Variants in OS9 observed in about 807,000 individuals in gnomAD.
OS9 encodes protein OS-9.
Under a neutral mutation model 84.7 loss-of-function variants are expected in OS9, and 58 were observed. The observed-to-expected ratio is 0.68, with a 90% CI of 0.55 to 0.85. The LOEUF (loss-of-function observed/expected upper bound fraction) is 0.85, where lower values mean the gene tolerates loss of function less well. Ranked by LOEUF, OS9 falls within the 40% of genes least tolerant of loss-of-function variation. The probability of loss-of-function intolerance (pLI) is 0.00; values close to 1 mark genes in which losing one functional copy is unlikely to be tolerated. For synonymous variants in OS9, 278 were observed against 320.8 expected (o/e 0.87, Z 1.43); for missense variants, 760 against 850.9 (o/e 0.89, Z 1.33).
chr12:57,699,834 G>A (rs756392117), intron 5 of OS9, among the ~76,000 whole-genome samples: 11 of 152,168 alleles, frequency 7.2e-5, no homozygotes, highest in Non-Finnish European at 1.3e-4. Context: ...GGTGGCTCAT[G>A]CCTATAATCC....
chr12:57,720,753 G>T, intron 14 of OS9, 31 bp from the exon 15 acceptor site: 2 of 1,569,670 alleles, frequency 1.3e-6, no homozygotes, highest in Non-Finnish European at 8.6e-7. Flanking sequence ...ACGGCCAGTA[G>T]CTCCAGCCCA....
chr12:57,696,660 G>A (rs971183868), intron 5 of OS9, among the ~76,000 whole-genome samples: 3 of 152,112 alleles, frequency 2.0e-5, no homozygotes, highest in Admixed American at 2.0e-4. Flanking sequence ...GCCGGGCGTG[G>A]TAGCGGGTGC....
intron 5 of OS9, among the ~76,000 whole-genome samples, chr12:57,705,935 A>G (rs1272476478): frequency 6.6e-6 from 1 of 152,172 alleles, no homozygotes; most frequent in Non-Finnish European, 1.5e-5. Context: ...GTAGTTCACA[A>G]ATTCTTGTGG....
intron 5 of OS9, among the ~76,000 whole-genome samples, chr12:57,699,763 G>A (rs899860884): frequency 1.3e-5 from 2 of 152,208 alleles, no homozygotes; most frequent in Non-Finnish European, 2.9e-5. Context: ...GGCAATTTGA[G>A]CAGAGTTGTG....
chr12:57,696,613 TG>T (rs1189197511), intron 5 of OS9, among the ~76,000 whole-genome samples: 1 of 151,918 alleles, frequency 6.6e-6, no homozygotes, highest in Non-Finnish European at 1.5e-5. Flanking sequence ...CTGACCAATA[TG>T]GTGAAACCCC....
chr12:57,717,197 T>C (rs1260542142), intron 9 of OS9, among the ~76,000 whole-genome samples: 25 of 152,164 alleles, frequency 1.6e-4, no homozygotes, highest in Admixed American at 1.6e-3. Context: ...CAGAAGTGCA[T>C]GGAAGAGTGG....
chr12:57,709,182 G>A (rs1445814201), intron 5 of OS9, among the ~76,000 whole-genome samples: 1 of 152,030 alleles, frequency 6.6e-6, no homozygotes, highest in Non-Finnish European at 1.5e-5. Context: ...CAATTTATAA[G>A]AACTCTATAT....
At position 57,718,132 on chromosome 12, in the gene OS9, C is replaced by T. The variant is rs773196582; in HGVS notation, c.1135-14C>T. 8.1e-6 allele frequency: 13 copies of T among 1,610,512 alleles called. No individual in the cohort carries two copies. The highest frequency in any genetic ancestry group is 1.7e-6 in the Non-Finnish European group (2 of 1,177,794). ...AACCCCAACTGTCTTTCTCCCCACTCCCTACCCACCCAGGGGAAGCCAAAT... is the reference window on the plus strand; with the variant it reads ...AACCCCAACTGTCTTTCTCCCCACTTCCTACCCACCCAGGGGAAGCCAAAT... On this transcript the variant is annotated splice_polypyrimidine_tract_variant and intron_variant, in intron 10 of 14. Coordinates refer to ENST00000315970, the MANE Select transcript of OS9 (RefSeq NM_006812.4).
chr12:57,700,127 G>C (rs545425076), intron 5 of OS9, among the ~76,000 whole-genome samples: 1 of 151,330 alleles, frequency 6.6e-6, no homozygotes, highest in Non-Finnish European at 1.5e-5. Flanking sequence ...AAAAGAAAAA[G>C]AAACTGGAAA....
chr12:57,713,413 A>C, intron 5 of OS9, among the ~76,000 whole-genome samples: 1 of 151,312 alleles, frequency 6.6e-6, no homozygotes, highest in Non-Finnish European at 1.5e-5. Context: ...AGGGATGACA[A>C]CCTCTGCTCT....
chr12:57,696,063 A>G (rs767306724), intron 4 of OS9, 25 bp downstream of exon 4: 6 of 1,573,130 alleles, frequency 3.8e-6, no homozygotes, highest in Non-Finnish European at 5.3e-6. Context: ...GGATTCAGGA[A>G]GAAAGGGTTC....
Position 57,720,745 on chromosome 12 carries a change from G to A in OS9, c.1879-39G>A, listed in dbSNP as rs111826639. 126 of 1,566,042 alleles carry A rather than the reference G, an allele frequency of 8.0e-5. 3 individuals carry two copies. In the African/African-American group the frequency reaches 1.2e-3, roughly 15 times the overall value. On this transcript the variant is annotated intron_variant, in intron 14 of 14. Coordinates refer to ENST00000315970, the MANE Select transcript of OS9 (RefSeq NM_006812.4). ...GGCCCAGGACTTCCCTGGGCTCAAC[G>A]GCCAGTAGCTCCAGCCCACCTCTAC...
At chr12:57,705,357 A>G (rs545155615) in intron 5 of OS9, among the ~76,000 whole-genome samples, 3 of 152,182 alleles carry the variant, frequency 2.0e-5, no homozygotes, top group African/African-American at 7.2e-5. Context: ...TTGTTGTCCT[A>G]TATTTTAGTA....
intron 5 of OS9, among the ~76,000 whole-genome samples, chr12:57,710,253 GA>G (rs1359540333): frequency 6.6e-6 from 1 of 152,122 alleles, no homozygotes; most frequent in African/African-American, 2.4e-5. Flanking sequence ...TTCTTTTCAG[GA>G]GTTCATTTCA....
At chr12:57,718,527 G>A (rs1595067156) in intron 11 of OS9, 106 bp downstream of exon 11, 12 of 1,223,446 alleles carry the variant, frequency 9.8e-6, no homozygotes, top group East Asian at 7.2e-5. Context: ...GGGCAAGGAC[G>A]GGGCACTTGG....
chr12:57,719,124 G>A lies in OS9; in HGVS notation c.1542G>A (p.Lys514=), dbSNP rs2140337939. The change falls in exon 12 of 15, where the codon AAG becomes AAA. Residue 514 remains lysine (K), a synonymous_variant. Transcript: ENST00000315970. ...AAAAACAGAGTCCAGAGCTGGTGAA[G>A]AAGCACAAGAAAAAGAGGGTTGTCC... ...LEEKQSPELV[K]KHKKKRVVPK... 1 of 1,614,156 alleles carries A rather than the reference G, an allele frequency of 6.2e-7. No homozygotes were observed. Among genetic ancestry groups the A allele is most frequent in the Non-Finnish European group, 8.5e-7 (1 of 1,180,030 alleles).
At chr12:57,716,637 G>T in intron 8 of OS9, 56 bp from the exon 9 acceptor site, 2 of 1,556,694 alleles carry the variant, frequency 1.3e-6, no homozygotes, top group Non-Finnish European at 1.8e-6. Context: ...TGCCTTCATA[G>T]TATGGAGGGC....
rs777993542 is a variant in OS9, at chr12:57,719,232, C to T, written c.1600+50C>T. The T allele has an allele frequency of 2.6e-6, 4 of 1,531,724 alleles. No homozygotes were observed. In the African/African-American group the frequency reaches 5.5e-5, roughly 21 times the overall value. The allele number at this position is 1,531,724 out of a possible 1,614,324, so 94.9% of individuals were successfully genotyped here. On this transcript the variant is annotated intron_variant, in intron 12 of 14. Transcript: ENST00000315970. ...GTAGCCCAGTCTGTTGTTTTCATCC[C>T]TCAGCTGGTTCTGTTCCCAGAGGGG...
At chr12:57,720,697 T>G (rs886817553) in intron 14 of OS9, 87 bp from the exon 15 acceptor site, 5 of 1,506,446 alleles carry the variant, frequency 3.3e-6, no homozygotes, top group Non-Finnish European at 4.5e-6. Flanking sequence ...GTGTCCTCAT[T>G]CCCTGCCTTC....
Sources: allele counts gnomAD v4.1 joint callset (sites outside exome capture counted in the v4.1 genomes callset), GRCh38; gene constraint gnomAD v4.1.1; transcripts MANE v1.5; gene names NCBI Gene and HGNC (gene_info 2026-07-23, HGNC 2026-07-21).